ZBTB7C: variants seen among roughly 807,000 people sequenced by gnomAD.
ZBTB7C encodes the protein zinc finger and BTB domain containing 7C.
Under a neutral mutation model 25.7 loss-of-function variants are expected in ZBTB7C, and 8 were observed. The ratio of observed to expected loss-of-function variants is 0.31; its 90% CI spans 0.18 to 0.56. The LOEUF (loss-of-function observed/expected upper bound fraction) is 0.56. ZBTB7C is among the 20% of genes least tolerant of loss of function. ZBTB7C has a pLI of 0.91. For synonymous variants in ZBTB7C, 394 were observed against 369.0 expected (o/e 1.07, Z -0.78); for missense variants, 824 against 855.2 (o/e 0.96, Z 0.46).
chr18:48,397,068 G>T (rs2048044114), intron 1 of ZBTB7C, among the ~76,000 whole-genome samples: 1 of 152,126 alleles, frequency 6.6e-6, no homozygotes, highest in South Asian at 2.1e-4. Context: ...TTCCAGTTTG[G>T]CACTGGACTA....
intron 3 of ZBTB7C, among the ~76,000 whole-genome samples, chr18:48,146,492 G>A (rs1321054338): frequency 6.6e-6 from 1 of 152,072 alleles, no homozygotes; most frequent in African/African-American, 2.4e-5. Flanking sequence ...CTGAAGAACT[G>A]TACTATGAAA....
intron 3 of ZBTB7C, among the ~76,000 whole-genome samples, chr18:48,055,379 C>T (rs2036870881): frequency 7.3e-6 from 1 of 137,760 alleles, no homozygotes; most frequent in African/African-American, 2.8e-5. Flanking sequence ...CACTGCACTC[C>T]AGCATGGGTG....
In ZBTB7C at chr18:48,070,761, G is replaced by A. The variant is rs921467589; in HGVS notation, c.-16-29638C>T. ...AACATGCCATTCTTTAGGGCAAGAAGAGTCTATAGATCCAGAGGCCTCCCT... is the reference window on the plus strand; with the variant it reads ...AACATGCCATTCTTTAGGGCAAGAAAAGTCTATAGATCCAGAGGCCTCCCT... On this transcript the variant is annotated intron_variant, in intron 3 of 4. Coordinates refer to ENST00000590800, the MANE Select transcript of ZBTB7C (RefSeq NM_001318841.2). 3.3e-5 allele frequency among the ~76,000 whole-genome samples: 5 copies of A among 152,276 alleles called. 1 individual carries two copies. In the South Asian group the frequency reaches 8.3e-4, roughly 25 times the overall value.
chr18:48,279,822 G>A (rs575453859), intron 2 of ZBTB7C, among the ~76,000 whole-genome samples: 3 of 152,342 alleles, frequency 2.0e-5, no homozygotes, highest in Admixed American at 2.0e-4. Flanking sequence ...TCTGCACTGA[G>A]TTTGCCTTGA....
intron 2 of ZBTB7C, among the ~76,000 whole-genome samples, chr18:48,256,309 T>C (rs149224292): frequency 3.3e-5 from 5 of 151,910 alleles, no homozygotes; most frequent in African/African-American, 9.6e-5. Context: ...GAAAAAAGTA[T>C]AGGGATTACA....
intron 1 of ZBTB7C, among the ~76,000 whole-genome samples, chr18:48,343,959 T>C (rs542467500): frequency 8.5e-5 from 13 of 152,252 alleles, no homozygotes; most frequent in Admixed American, 7.2e-4. Context: ...CCTGGAGCCA[T>C]GGGGATGTGT....
chr18:48,212,519 G>T (rs556369534), intron 2 of ZBTB7C, among the ~76,000 whole-genome samples: 6 of 152,182 alleles, frequency 3.9e-5, no homozygotes, highest in South Asian at 2.1e-4. Flanking sequence ...TTCATTGATT[G>T]TGACAAATGT....
At chr18:48,200,486 C>T (rs1470656819) in intron 2 of ZBTB7C, among the ~76,000 whole-genome samples, 6 of 152,078 alleles carry the variant, frequency 3.9e-5, no homozygotes, top group African/African-American at 9.7e-5. Flanking sequence ...AGGACAGGCA[C>T]GAAATATCTC....
intron 3 of ZBTB7C, among the ~76,000 whole-genome samples, chr18:48,102,979 A>C (rs1335528280): frequency 6.6e-6 from 1 of 151,382 alleles, no homozygotes; most frequent in African/African-American, 2.4e-5. Context: ...TTTATAAAGA[A>C]GAGAGGCAGG....
intron 3 of ZBTB7C, among the ~76,000 whole-genome samples, chr18:48,154,766 C>T (rs1337562413): frequency 6.6e-6 from 1 of 152,204 alleles, no homozygotes; most frequent in African/African-American, 2.4e-5. Flanking sequence ...CAACCTTTCC[C>T]ACTGCCTCAT....
At chr18:48,322,854 A>G (rs1381745542) in intron 2 of ZBTB7C, among the ~76,000 whole-genome samples, 1 of 152,256 alleles carries the variant, frequency 6.6e-6, no homozygotes, top group African/African-American at 2.4e-5. Context: ...ATATGACGGA[A>G]TACTACTCAG....
At chr18:48,038,542 C>CTCA (rs2036074898) in intron 4 of ZBTB7C, among the ~76,000 whole-genome samples, 1 of 150,960 alleles carries the variant, frequency 6.6e-6, no homozygotes. Context: ...CTTTAGAGGA[C>CTCA]TCATCTTTTT....
At chr18:48,190,284 A>T (rs147095110) in intron 2 of ZBTB7C, among the ~76,000 whole-genome samples, 1 of 152,308 alleles carries the variant, frequency 6.6e-6, no homozygotes, top group Non-Finnish European at 1.5e-5. Flanking sequence ...TAATCTTAAC[A>T]TTACCATTGA....
At chr18:48,298,237 G>A (rs1487767027) in intron 2 of ZBTB7C, among the ~76,000 whole-genome samples, 3 of 149,204 alleles carry the variant, frequency 2.0e-5, no homozygotes, top group African/African-American at 7.4e-5. Flanking sequence ...CCAAGATCGA[G>A]CCACTGCACT....
At chr18:48,132,762 T>C (rs915636820) in intron 3 of ZBTB7C, among the ~76,000 whole-genome samples, 5 of 152,222 alleles carry the variant, frequency 3.3e-5, no homozygotes, top group Non-Finnish European at 5.9e-5. Context: ...CCTCTTCCAG[T>C]GGCTCCAGAA....
intron 2 of ZBTB7C, among the ~76,000 whole-genome samples, chr18:48,255,770 A>T (rs927671510): frequency 6.6e-6 from 1 of 152,182 alleles, no homozygotes; most frequent in Non-Finnish European, 1.5e-5. Context: ...CCAATTCTAG[A>T]TTGAAAATAA....
chr18:48,384,385 C>G (rs900748351), intron 1 of ZBTB7C, among the ~76,000 whole-genome samples: 1 of 152,218 alleles, frequency 6.6e-6, no homozygotes, highest in African/African-American at 2.4e-5. Flanking sequence ...ATTCAGAACA[C>G]GACTGGTGAA....
intron 3 of ZBTB7C, among the ~76,000 whole-genome samples, chr18:48,052,439 C>T (rs2036726999): frequency 6.6e-6 from 1 of 152,224 alleles, no homozygotes; most frequent in Non-Finnish European, 1.5e-5. Context: ...AGGTGCTCCA[C>T]AGCTGGCTAG....
Position 48,040,158 on chromosome 18 carries a change from A to G in ZBTB7C, c.950T>C (p.Leu317Pro). The change falls in exon 4 of 5, where the codon CTG (leucine) becomes CCG (proline). Residue 317 changes from leucine to proline, a missense_variant. This residue lies in a region of ZBTB7C where 316 missense variants were observed against 299.2 expected (regional missense o/e 1.06). Transcript: ENST00000590800. Reference sequence around the variant, plus strand: ...GATGGGTCCCAGAGGCCCCCCCGGCAGGTCAGGGAACATGTCCTTGAAGAA... The same window carrying G: ...GATGGGTCCCAGAGGCCCCCCCGGCGGGTCAGGGAACATGTCCTTGAAGAA... Reference protein sequence around the residue: ...NDFFKDMFPDLPGGPLGPIKA... With the variant: ...NDFFKDMFPDPPGGPLGPIKA... The G allele has an allele frequency of 6.3e-7, 1 of 1,575,828 alleles. No individual in the cohort carries two copies. Among genetic ancestry groups the G allele is most frequent in the South Asian group, 1.2e-5 (1 of 84,100 alleles).
Sources: gnomAD v4.1 joint callset for allele counts (sites outside exome capture counted in the v4.1 genomes callset) on GRCh38, gnomAD v4.1.1 for gene constraint, gnomAD v4.1.1 regional missense constraint, MANE v1.5 for transcripts, NCBI Gene and HGNC (gene_info 2026-07-23, HGNC 2026-07-21) for gene names.